The following STXBP4 variants were observed in gnomAD, a reference collection of about 807,000 sequenced individuals.
STXBP4 encodes the protein syntaxin binding protein 4.
A neutral mutation model predicts 76.1 loss-of-function variants in STXBP4; 55 were observed. The observed-to-expected ratio is 0.72, with a 90% CI of 0.58 to 0.91. STXBP4 has a LOEUF of 0.91. Ranked by LOEUF, STXBP4 falls within the 40% of genes least tolerant of loss-of-function variation. STXBP4 has a pLI of 0.00. For synonymous variants in STXBP4, 201 were observed against 220.2 expected (o/e 0.91, Z 0.77); for missense variants, 618 against 636.9 (o/e 0.97, Z 0.32).
rs541274850 is a variant in STXBP4, at chr17:55,105,638, A to ATT, written c.1489+24467_1489+24468dup. Among the ~76,000 whole-genome samples the ATT allele has an allele frequency of 7.9e-3, 1,124 of 141,432 alleles. 19 individuals carry two copies. The highest frequency in any genetic ancestry group is 0.047 in the South Asian group (211 of 4,446). 92.8% of individuals were successfully genotyped at this position (141,432 alleles called of 152,430 possible). A position where few individuals can be genotyped will look rare whatever the true frequency, so the allele number is the denominator to read the frequency against. The stretch of plus-strand genomic sequence containing the variant: ...GCACCCGCCACCACACCCAGCTAAT[A>ATT]TTTTTTTTTTTTTGTATTTTTAGTA... On this transcript the variant is annotated intron_variant, in intron 16 of 17. Transcript: ENST00000376352.
chr17:55,079,968 C>A (rs2079235897), intron 15 of STXBP4, among the ~76,000 whole-genome samples: 1 of 152,048 alleles, frequency 6.6e-6, no homozygotes, highest in South Asian at 2.1e-4. Flanking sequence ...GCTTATGATA[C>A]AAGAAAACTC....
At chr17:55,105,507 G>A (rs1473746321) in intron 16 of STXBP4, among the ~76,000 whole-genome samples, 4 of 138,846 alleles carry the variant, frequency 2.9e-5, no homozygotes, top group Admixed American at 7.7e-5. Context: ...TCACTCTGTC[G>A]CCCAGGCTGG....
At chr17:55,043,361 G>GA (rs1180045692) in intron 11 of STXBP4, 36 bp downstream of exon 11, 161 of 1,218,332 alleles carry the variant, frequency 1.3e-4, no homozygotes, top group East Asian at 2.4e-4. Flanking sequence ...GTTTTCTTCA[G>GA]AAAAAAAAGA....
At chr17:55,179,104 G>T in the STXBP4 span, among the ~76,000 whole-genome samples, 2 of 152,026 alleles carry the variant, frequency 1.3e-5, no homozygotes, top group Non-Finnish European at 2.9e-5. Context: ...CACATTGCCC[G>T]AAACCAAAAC....
In STXBP4 at chr17:55,166,364, C is replaced by T. The variant is rs377512472; in HGVS notation, c.*6453C>T. On this transcript the variant is annotated 3_prime_UTR_variant, in exon 18 of 18. Coordinates refer to ENST00000376352, the MANE Select transcript of STXBP4 (RefSeq NM_178509.6). ...CCTTCTCCACCACACCTGTCCCCAT[C>T]AATCTACCCATCACATTTCTGTCAG... The T allele has an allele frequency of 3.3e-5, 5 of 152,186 alleles. No homozygotes were observed. Among genetic ancestry groups the T allele is most frequent in the African/African-American group, 1.2e-4 (5 of 41,436 alleles). The allele number at this position is 152,186 out of a possible 1,614,324, so 9.4% of individuals were successfully genotyped here.
intron 16 of STXBP4, among the ~76,000 whole-genome samples, chr17:55,135,211 A>T (rs2529508): frequency 0.64 from 96,957 of 151,942 alleles, 31,799 homozygotes; most frequent in African/African-American, 0.79. Flanking sequence ...AGAAATTTTT[A>T]ACAATGATGT....
At chr17:55,197,391 C>T in the STXBP4 span, among the ~76,000 whole-genome samples, 1 of 152,238 alleles carries the variant, frequency 6.6e-6, no homozygotes, top group African/African-American at 2.4e-5. Context: ...AACCAAGCCA[C>T]CAAGCCTATG....
chr17:55,052,376 T>TTGC (rs2078869960), intron 12 of STXBP4, among the ~76,000 whole-genome samples: 1 of 152,162 alleles, frequency 6.6e-6, no homozygotes, highest in Non-Finnish European at 1.5e-5. Flanking sequence ...TTGCAGACTA[T>TTGC]AGAAGAAATC....
chr17:55,084,422 T>C (rs12603307), intron 16 of STXBP4, among the ~76,000 whole-genome samples: 30,109 of 151,984 alleles, frequency 0.2, 3,565 homozygotes, highest in East Asian at 0.5. Context: ...TTTCTCCCAT[T>C]TTGTAGGTTG....
the STXBP4 span, among the ~76,000 whole-genome samples, chr17:55,189,791 T>C: frequency 3.4e-4 from 52 of 152,368 alleles, no homozygotes; most frequent in Admixed American, 2.5e-3. Flanking sequence ...ATCTATGTGC[T>C]ACCCAGGTGG....
chr17:55,187,227 G>A, the STXBP4 span, among the ~76,000 whole-genome samples: 224 of 152,312 alleles, frequency 1.5e-3, 7 homozygotes, highest in South Asian at 0.045. Flanking sequence ...GATGCAAAAG[G>A]AGAGCAGAGA....
rs1399022729 is a variant in STXBP4, at chr17:54,998,823, A to G, written c.181-522A>G. Among the ~76,000 whole-genome samples, 18 of 143,498 alleles carry G rather than the reference A, an allele frequency of 1.3e-4. No individual in the cohort carries two copies. The Admixed American group carries it at 1.3e-3, about 11-fold the overall frequency. 94.1% of individuals were successfully genotyped at this position (143,498 alleles called of 152,430 possible). A position where few individuals can be genotyped will look rare whatever the true frequency, so the allele number is the denominator to read the frequency against. Reference sequence around the variant, plus strand: ...CAATGTAATGAGACCTCATCTCTACAAAAAATTTTGAAAATTTAATTTTTT... The same window carrying G: ...CAATGTAATGAGACCTCATCTCTACGAAAAATTTTGAAAATTTAATTTTTT... On this transcript the variant is annotated intron_variant, in intron 4 of 17. Transcript: ENST00000376352.
chr17:55,179,468 A>G, the STXBP4 span, among the ~76,000 whole-genome samples: 6 of 152,316 alleles, frequency 3.9e-5, no homozygotes, highest in East Asian at 9.7e-4. Flanking sequence ...AGACTCTCCT[A>G]TATAAAACTG....
intron 1 of STXBP4, among the ~76,000 whole-genome samples, chr17:54,971,306 G>A (rs535714745): frequency 6.6e-6 from 1 of 152,264 alleles, no homozygotes; most frequent in South Asian, 2.1e-4. Context: ...CCACAGACTG[G>A]TTGCTTAAAC....
rs185411218 is a variant in STXBP4, at chr17:55,066,768, C to A, written c.1012-6132C>A. On this transcript the variant is annotated intron_variant, in intron 12 of 17. Coordinates refer to ENST00000376352, the MANE Select transcript of STXBP4 (RefSeq NM_178509.6). ...CTCACACCTGTAATCCCATCACTTT[C>A]GGAGGCCGAGGTGGGTGGATGTCTT... Among the ~76,000 whole-genome samples, 14 of 152,162 alleles carry A rather than the reference C, an allele frequency of 9.2e-5. No individual in the cohort carries two copies. The East Asian group carries it at 2.5e-3, about 27-fold the overall frequency.
chr17:55,074,313 G>A (rs575827522), intron 13 of STXBP4, among the ~76,000 whole-genome samples: 4 of 152,104 alleles, frequency 2.6e-5, no homozygotes, highest in South Asian at 4.1e-4. Flanking sequence ...TCCACAAGAA[G>A]GCTGAAGTTC....
chr17:55,072,818 C>T (rs2079137529), intron 12 of STXBP4, 82 bp from the exon 13 acceptor site: 4 of 1,226,152 alleles, frequency 3.3e-6, no homozygotes, highest in South Asian at 3.8e-5. Flanking sequence ...TTATAACTTC[C>T]AGAGCAAGGA....
chr17:55,204,082 G>C, the STXBP4 span, among the ~76,000 whole-genome samples: 1 of 151,692 alleles, frequency 6.6e-6, no homozygotes, highest in Admixed American at 6.6e-5. Context: ...GACTTCAGCT[G>C]TATATATGAC....
At chr17:55,118,981 G>T (rs773620939) in intron 16 of STXBP4, among the ~76,000 whole-genome samples, 99 of 149,722 alleles carry the variant, frequency 6.6e-4, no homozygotes, top group Admixed American at 2.7e-3. Flanking sequence ...TATACTTTAA[G>T]TTCTAGGTTA....
Sources: allele counts gnomAD v4.1 joint callset (sites outside exome capture counted in the v4.1 genomes callset), GRCh38; gene constraint gnomAD v4.1.1; transcripts MANE v1.5; gene names NCBI Gene and HGNC (gene_info 2026-07-23, HGNC 2026-07-21).